CDH13: variants seen among roughly 807,000 people sequenced by gnomAD.
CDH13 encodes cadherin-13.
CDH13 carries 24 observed loss-of-function variants against 63.8 expected under a neutral mutation model. That is an observed-to-expected ratio of 0.38 (90% CI 0.27 to 0.53). CDH13 has a LOEUF of 0.53. Among genes scored for constraint, CDH13 ranks in the 20% least tolerant of loss-of-function variants. CDH13 has a pLI of 0.85. For synonymous variants in CDH13, 503 were observed against 355.3 expected (o/e 1.42, Z -4.67); for missense variants, 1,049 against 903.1 (o/e 1.16, Z -2.07).
intron 3 of CDH13, among the ~76,000 whole-genome samples, chr16:83,062,142 G>C (rs1344844917): frequency 6.6e-6 from 1 of 152,194 alleles, no homozygotes; most frequent in Non-Finnish European, 1.5e-5. Flanking sequence ...GACAGAGCCT[G>C]CTCTAGGAAT....
intron 5 of CDH13, among the ~76,000 whole-genome samples, chr16:83,288,213 C>G (rs1172740404): frequency 1.3e-5 from 2 of 152,218 alleles, no homozygotes; most frequent in Non-Finnish European, 2.9e-5. Flanking sequence ...TCACTCATCT[C>G]CTCTAGCCCA....
At chr16:82,773,647 T>G (rs1012977569) in intron 1 of CDH13, among the ~76,000 whole-genome samples, 2 of 152,230 alleles carry the variant, frequency 1.3e-5, no homozygotes, top group East Asian at 3.8e-4. Context: ...TGTATGTACA[T>G]TTGTATGTAT....
chr16:83,600,569 C>A (rs1298054869), intron 7 of CDH13, among the ~76,000 whole-genome samples: 1 of 152,150 alleles, frequency 6.6e-6, no homozygotes, highest in African/African-American at 2.4e-5. Flanking sequence ...AATTGGACAT[C>A]CTCCATTGCT....
intron 7 of CDH13, among the ~76,000 whole-genome samples, chr16:83,579,256 C>T (rs1383723697): frequency 6.6e-6 from 1 of 152,150 alleles, no homozygotes; most frequent in Non-Finnish European, 1.5e-5. Context: ...CAGGGAGAGC[C>T]ATCCTAAGGC....
At chr16:83,301,620 A>G (rs994012391) in intron 5 of CDH13, among the ~76,000 whole-genome samples, 1 of 152,068 alleles carries the variant, frequency 6.6e-6, no homozygotes, top group Non-Finnish European at 1.5e-5. Flanking sequence ...TGTTCTAGGG[A>G]AGCCGTGTTC....
At chr16:82,899,771 A>C (rs902528993) in intron 2 of CDH13, among the ~76,000 whole-genome samples, 1 of 152,192 alleles carries the variant, frequency 6.6e-6, no homozygotes, top group African/African-American at 2.4e-5. Flanking sequence ...TAAAGCCACA[A>C]TCTCCTCCTC....
At chr16:83,424,849 A>G (rs1005346158) in intron 6 of CDH13, among the ~76,000 whole-genome samples, 1 of 151,924 alleles carries the variant, frequency 6.6e-6, no homozygotes, top group African/African-American at 2.4e-5. Flanking sequence ...CAGCTTGTGC[A>G]CTCTCCCTTT....
chr16:83,161,694 A>G (rs2037453081), intron 4 of CDH13, among the ~76,000 whole-genome samples: 1 of 151,996 alleles, frequency 6.6e-6, no homozygotes, highest in Non-Finnish European at 1.5e-5. Context: ...ATCACCCACC[A>G]TGGTTCTCTT....
intron 1 of CDH13, among the ~76,000 whole-genome samples, chr16:82,751,102 A>T (rs987673825): frequency 1.3e-5 from 2 of 152,110 alleles, no homozygotes; most frequent in African/African-American, 4.8e-5. Context: ...CTATTTAATC[A>T]TATGTAATCT....
In CDH13 at chr16:83,645,526, C is replaced by T. The variant is rs1323273944; in HGVS notation, c.1102-25264C>T. ...AGAGACAATATACCCATATAACAAA[C>T]ATGCACACATGCCCCCCCCCAATCT... On this transcript the variant is annotated intron_variant, in intron 8 of 13. Coordinates refer to ENST00000567109, the MANE Select transcript of CDH13 (RefSeq NM_001257.5). Among the ~76,000 whole-genome samples, 4 of 100,084 alleles carry T rather than the reference C, an allele frequency of 4.0e-5. No individual in the cohort carries two copies. The South Asian group carries it at 1.4e-3, about 36-fold the overall frequency. The allele number at this position is 100,084 out of a possible 152,430, so 65.7% of individuals were successfully genotyped here. A position where few individuals can be genotyped will look rare whatever the true frequency, so the allele number is the denominator to read the frequency against.
At chr16:83,775,425 C>T (rs1017180914) in intron 11 of CDH13, among the ~76,000 whole-genome samples, 5 of 149,356 alleles carry the variant, frequency 3.3e-5, no homozygotes, top group African/African-American at 1.2e-4. Context: ...CCTTACAGCT[C>T]CTAACATTAT....
At chr16:82,815,118 C>G (rs747878584) in intron 1 of CDH13, among the ~76,000 whole-genome samples, 17 of 152,022 alleles carry the variant, frequency 1.1e-4, no homozygotes, top group Non-Finnish European at 1.9e-4. Flanking sequence ...AAACATCGTT[C>G]ATGACCCACC....
intron 5 of CDH13, among the ~76,000 whole-genome samples, chr16:83,236,237 G>GCA (rs3049880): frequency 0.022 from 3,343 of 148,972 alleles, 61 homozygotes; most frequent in African/African-American, 0.052. Flanking sequence ...ACACGCACAT[G>GCA]CACACACACA....
chr16:82,758,432 C>CAA (rs2034703778), intron 1 of CDH13, among the ~76,000 whole-genome samples: 3 of 151,952 alleles, frequency 2.0e-5, no homozygotes, highest in African/African-American at 7.3e-5. Context: ...TGATACCCCC[C>CAA]CCCCTTTGCT....
chr16:83,108,586 C>G (rs2034898861), intron 3 of CDH13, among the ~76,000 whole-genome samples: 1 of 152,176 alleles, frequency 6.6e-6, no homozygotes, highest in African/African-American at 2.4e-5. Context: ...TCCCAGTGCA[C>G]AGGTGGGCAT....
chr16:83,034,211 C>T (rs920785881), intron 3 of CDH13, among the ~76,000 whole-genome samples: 2 of 152,106 alleles, frequency 1.3e-5, no homozygotes, highest in African/African-American at 4.8e-5. Flanking sequence ...CTGGCTTAGC[C>T]TGAGTATCCT....
chr16:83,532,810 T>C (rs928428936), intron 7 of CDH13, among the ~76,000 whole-genome samples: 7 of 152,196 alleles, frequency 4.6e-5, no homozygotes, highest in Non-Finnish European at 8.8e-5. Context: ...CATTAAGCCA[T>C]GTGAACCCTA....
chr16:83,768,664 A>G (rs1462556794), intron 11 of CDH13, among the ~76,000 whole-genome samples: 1 of 152,174 alleles, frequency 6.6e-6, no homozygotes, highest in Non-Finnish European at 1.5e-5. Flanking sequence ...TTTCTTGATG[A>G]TATGCTAAAC....
At chr16:83,261,333 G>A (rs1182084492) in intron 5 of CDH13, among the ~76,000 whole-genome samples, 1 of 152,178 alleles carries the variant, frequency 6.6e-6, no homozygotes, top group Non-Finnish European at 1.5e-5. Flanking sequence ...TAAGCCAGCT[G>A]TTCTCAATTG....
Sources: gnomAD v4.1 joint callset for allele counts (sites outside exome capture counted in the v4.1 genomes callset) on GRCh38, gnomAD v4.1.1 for gene constraint, MANE v1.5 for transcripts, NCBI Gene and HGNC (gene_info 2026-07-23, HGNC 2026-07-21) for gene names.